Variants in RERG observed in about 807,000 individuals in gnomAD.
RERG encodes ras-related and estrogen-regulated growth inhibitor.
RERG carries 25 observed loss-of-function variants against 23.2 expected under a neutral mutation model. The observed-to-expected ratio is 1.08, with a 90% confidence interval of 0.79 to 1.50. The LOEUF is 1.50. Among genes scored for constraint, RERG ranks in the 40% most tolerant of loss-of-function variants. RERG has a pLI of 0.00. For missense variants in RERG, 253 were observed against 250.1 expected, an observed-to-expected ratio of 1.01 and a Z score of -0.08; for synonymous variants, 81 against 89.1, an observed-to-expected ratio of 0.91 and a Z score of 0.51.
intron 2 of RERG, among the ~76,000 whole-genome samples, chr12:15,136,093 CGTT>C (rs1864140124): frequency 1.3e-5 from 2 of 152,024 alleles, no homozygotes; most frequent in South Asian, 4.2e-4. Context: ...TGCCTGTTCT[CGTT>C]GTCTATTTCT....
intron 2 of RERG, among the ~76,000 whole-genome samples, chr12:15,189,767 A>G (rs902378889): frequency 2.0e-5 from 3 of 152,162 alleles, no homozygotes; most frequent in African/African-American, 7.2e-5. Context: ...ACTTTGCATT[A>G]CCTTAACCAA....
Position 15,137,228 on chromosome 12 carries a change from CCA to C in RERG, c.62-16111_62-16110del, listed in dbSNP as rs1458368288. ...TCTGTCTGATATTAATATAGCTATT[CCA>C]GTTTTCTTTTTATTGACATTATCAC... On this transcript the variant is annotated intron_variant, in intron 2 of 4. Coordinates refer to ENST00000256953, the MANE Select transcript of RERG (RefSeq NM_032918.3). Among the ~76,000 whole-genome samples, 8 of 151,718 alleles carry C rather than the reference CCA, an allele frequency of 5.3e-5. No homozygotes were observed. The South Asian group carries it at 6.3e-4, about 12-fold the overall frequency.
At chr12:15,217,201 T>G (rs1277182266) in intron 2 of RERG, 2 of 488,994 alleles carry the variant, frequency 4.1e-6, no homozygotes, top group Non-Finnish European at 7.3e-6. Context: ...GATATATCCT[T>G]TATCTTGTGT....
intron 2 of RERG, among the ~76,000 whole-genome samples, chr12:15,202,663 TA>T (rs1252487574): frequency 6.6e-6 from 1 of 151,738 alleles, no homozygotes; most frequent in East Asian, 1.9e-4. Flanking sequence ...TCATTACATA[TA>T]TCCACTCCAC....
intron 2 of RERG, among the ~76,000 whole-genome samples, chr12:15,214,465 T>C (rs1268935086): frequency 6.6e-6 from 1 of 152,086 alleles, no homozygotes; most frequent in Non-Finnish European, 1.5e-5. Flanking sequence ...CAGGTAAGAC[T>C]TAAGCCTCTG....
At chr12:15,178,769 G>A (rs1019643121) in intron 2 of RERG, among the ~76,000 whole-genome samples, 8 of 152,312 alleles carry the variant, frequency 5.3e-5, no homozygotes, top group African/African-American at 1.9e-4. Context: ...CTCAATGTAT[G>A]TGGAGATTCA....
At chr12:15,209,808 C>A (rs193182651) in intron 2 of RERG, among the ~76,000 whole-genome samples, 24 of 152,120 alleles carry the variant, frequency 1.6e-4, no homozygotes, top group Admixed American at 3.3e-4. Context: ...AAATGAAAAC[C>A]TTTGATAGCA....
chr12:15,217,550 G>C lies in RERG; in HGVS notation c.-61C>G, dbSNP rs1163282176. ...CTAAAGCACTGAGTAAATCTTTTTG[G>C]TTCCAGTCTTTGGATTCACCATATC... On this transcript the variant is annotated 5_prime_UTR_variant, in exon 2 of 5. Transcript: ENST00000256953. The C allele has an allele frequency of 8.2e-7, 1 of 1,220,550 alleles. No individual in the cohort carries two copies. The highest frequency in any genetic ancestry group is 1.2e-6 in the Non-Finnish European group (1 of 821,972). The allele number at this position is 1,220,550 out of a possible 1,614,324, so 75.6% of individuals were successfully genotyped here.
chr12:15,137,957 G>A (rs914124448), intron 2 of RERG: 2 of 380,100 alleles, frequency 5.3e-6, no homozygotes, highest in Admixed American at 3.3e-5. Flanking sequence ...TTTATTGGCA[G>A]CAAATTCCTT....
chr12:15,138,775 A>G (rs1047434684), intron 2 of RERG, among the ~76,000 whole-genome samples: 13 of 151,790 alleles, frequency 8.6e-5, no homozygotes, highest in African/African-American at 1.9e-4. Context: ...TTTTCATTCT[A>G]TTCACAGTGT....
chr12:15,115,868 T>C (rs141909337), intron 3 of RERG, among the ~76,000 whole-genome samples: 2,665 of 152,282 alleles, frequency 0.018, 46 homozygotes, highest in Non-Finnish European at 0.027. Flanking sequence ...TCTACTTCCA[T>C]CAGTACTGTG....
intron 2 of RERG, among the ~76,000 whole-genome samples, chr12:15,197,127 C>A (rs1037861811): frequency 3.3e-5 from 5 of 152,128 alleles, no homozygotes; most frequent in Non-Finnish European, 7.4e-5. Context: ...TACTGAGCAA[C>A]TAGAATATGT....
intron 2 of RERG, among the ~76,000 whole-genome samples, chr12:15,149,149 G>A (rs1020517913): frequency 4.6e-5 from 7 of 151,830 alleles, no homozygotes; most frequent in Non-Finnish European, 8.8e-5. Flanking sequence ...GATTACAGGC[G>A]TGAGCCACCG....
At chr12:15,214,811 C>T (rs975308464) in intron 2 of RERG, among the ~76,000 whole-genome samples, 2 of 152,278 alleles carry the variant, frequency 1.3e-5, no homozygotes, top group African/African-American at 2.4e-5. Context: ...CATGCCACTG[C>T]ACTCCAGCCT....
At chr12:15,164,144 C>G (rs1011391278) in intron 2 of RERG, among the ~76,000 whole-genome samples, 1 of 152,164 alleles carries the variant, frequency 6.6e-6, no homozygotes, top group African/African-American at 2.4e-5. Context: ...TAAGGTCTGA[C>G]TCCAGAAGAC....
At chr12:15,163,149 C>T (rs1864637998) in intron 2 of RERG, among the ~76,000 whole-genome samples, 3 of 152,052 alleles carry the variant, frequency 2.0e-5, no homozygotes, top group Admixed American at 6.6e-5. Context: ...GTCAACAATG[C>T]CAGAAGCACT....
chr12:15,180,942 C>A (rs1864915387), intron 2 of RERG, among the ~76,000 whole-genome samples: 1 of 152,222 alleles, frequency 6.6e-6, no homozygotes, highest in Non-Finnish European at 1.5e-5. Flanking sequence ...AGACTCAATT[C>A]TTCTAGCATG....
intron 2 of RERG, among the ~76,000 whole-genome samples, chr12:15,165,873 AC>A (rs1336934622): frequency 3.9e-5 from 6 of 152,152 alleles, no homozygotes. Context: ...CTCCCTGTCA[AC>A]CTTTTAGAGA....
chr12:15,219,713 G>A (rs1046076726), intron 1 of RERG, among the ~76,000 whole-genome samples: 1 of 152,182 alleles, frequency 6.6e-6, no homozygotes, highest in African/African-American at 2.4e-5. Context: ...GAACACGCAA[G>A]TGTCTGCAGC....
Sources: gnomAD v4.1 joint callset for allele counts (sites outside exome capture counted in the v4.1 genomes callset) on GRCh38, gnomAD v4.1.1 for gene constraint, MANE v1.5 for transcripts, NCBI Gene and HGNC (gene_info 2026-07-23, HGNC 2026-07-21) for gene names.